RGS7: variants seen among roughly 807,000 people sequenced by gnomAD.
RGS7 encodes regulator of G protein signaling 7.
A neutral mutation model predicts 81.1 loss-of-function variants in RGS7; 27 were observed. That is an observed-to-expected ratio of 0.33 (90% CI 0.25 to 0.46). The LOEUF (loss-of-function observed/expected upper bound fraction) is 0.46. Among genes scored for constraint, RGS7 ranks in the 20% least tolerant of loss-of-function variants. The pLI, the probability that RGS7 is intolerant of heterozygous loss-of-function variation, is 1.00. For missense variants in RGS7, 396 were observed against 607.4 expected (o/e 0.65, Z 3.66); for synonymous variants, 208 against 207.7 (o/e 1.00, Z -0.01).
At chr1:241,041,396 G>A (rs1455015574) in intron 3 of RGS7, among the ~76,000 whole-genome samples, 1 of 151,964 alleles carries the variant, frequency 6.6e-6, no homozygotes, top group Admixed American at 6.6e-5. Context: ...GCTGAGGCTT[G>A]AAAAAAATAC....
chr1:241,354,754 T>G (rs1459003102), intron 2 of RGS7, among the ~76,000 whole-genome samples: 1 of 152,208 alleles, frequency 6.6e-6, no homozygotes, highest in African/African-American at 2.4e-5. Flanking sequence ...TTAACAATTT[T>G]GGGGTGTTTC....
intron 9 of RGS7, among the ~76,000 whole-genome samples, chr1:240,863,992 C>T (rs1329994684): frequency 6.6e-6 from 1 of 152,136 alleles, no homozygotes; most frequent in Non-Finnish European, 1.5e-5. Context: ...ACACCACCCC[C>T]TAGTTCCAGG....
At chr1:241,193,001 C>A (rs756067779) in intron 2 of RGS7, among the ~76,000 whole-genome samples, 1 of 152,136 alleles carries the variant, frequency 6.6e-6, no homozygotes, top group Non-Finnish European at 1.5e-5. Context: ...ATCCATAAAA[C>A]CTGTATCCAA....
intron 18 of RGS7, among the ~76,000 whole-genome samples, chr1:240,785,027 C>G (rs1349425947): frequency 6.6e-6 from 1 of 152,160 alleles, no homozygotes; most frequent in African/African-American, 2.4e-5. Context: ...TTATTTTACT[C>G]TCATGTTGAA....
At chr1:240,932,548 G>A (rs1197584746) in intron 5 of RGS7, among the ~76,000 whole-genome samples, 5 of 118,050 alleles carry the variant, frequency 4.2e-5, no homozygotes, top group South Asian at 5.4e-4. Context: ...TCACTCTGTT[G>A]CCCAGGCTGG....
chr1:240,830,208 C>T (rs924939558), intron 9 of RGS7, among the ~76,000 whole-genome samples: 3 of 152,154 alleles, frequency 2.0e-5, no homozygotes, highest in Admixed American at 6.5e-5. Context: ...TCAAGCCATC[C>T]GGAGTTTCTT....
chr1:240,977,621 C>T (rs1167412793), intron 4 of RGS7, among the ~76,000 whole-genome samples: 1 of 152,178 alleles, frequency 6.6e-6, no homozygotes, highest in Non-Finnish European at 1.5e-5. Flanking sequence ...ACCAATATTC[C>T]ATATATAAGA....
intron 2 of RGS7, among the ~76,000 whole-genome samples, chr1:241,100,481 TCA>T (rs1416634067): frequency 1.3e-5 from 2 of 151,966 alleles, no homozygotes; most frequent in Non-Finnish European, 2.9e-5. Context: ...TATGTTGTAA[TCA>T]CACTATGAAC....
intron 9 of RGS7, among the ~76,000 whole-genome samples, chr1:240,828,919 G>A (rs7534415): frequency 0.038 from 5,796 of 152,222 alleles, 158 homozygotes; most frequent in African/African-American, 0.075. Flanking sequence ...CTGTGAATAC[G>A]GAAAAGTCTT....
intron 9 of RGS7, among the ~76,000 whole-genome samples, chr1:240,846,628 TC>T (rs1362283987): frequency 1.1e-4 from 17 of 152,174 alleles, no homozygotes; most frequent in African/African-American, 3.6e-4. Flanking sequence ...TCCATAACAG[TC>T]CCTATTGACC....
At chr1:241,329,579 AG>A (rs1236984365) in intron 2 of RGS7, among the ~76,000 whole-genome samples, 1 of 152,198 alleles carries the variant, frequency 6.6e-6, no homozygotes, top group Non-Finnish European at 1.5e-5. Context: ...TCCTCTACAA[AG>A]GGCTCGGTGA....
chr1:241,231,332 AATTT>A (rs2075651750), intron 2 of RGS7, among the ~76,000 whole-genome samples: 1 of 152,184 alleles, frequency 6.6e-6, no homozygotes, highest in African/African-American at 2.4e-5. Context: ...TCTAATAAAA[AATTT>A]ATTTATTATA....
chr1:241,073,103 G>C (rs1327645101), intron 3 of RGS7, among the ~76,000 whole-genome samples: 1 of 152,158 alleles, frequency 6.6e-6, no homozygotes, highest in African/African-American at 2.4e-5. Context: ...TCCATGTTGA[G>C]AGCTGGGTTG....
intron 18 of RGS7, among the ~76,000 whole-genome samples, chr1:240,786,481 T>G (rs1685090287): frequency 6.6e-6 from 1 of 152,162 alleles, no homozygotes; most frequent in Non-Finnish European, 1.5e-5. Flanking sequence ...AGAAAAAAAT[T>G]AAGTACAGAA....
intron 2 of RGS7, among the ~76,000 whole-genome samples, chr1:241,200,270 T>G (rs181261243): frequency 6.6e-6 from 1 of 152,154 alleles, no homozygotes; most frequent in East Asian, 1.9e-4. Flanking sequence ...CAAAAAGTGT[T>G]CCTTTTCTCT....
chr1:241,165,425 T>G lies in RGS7; in HGVS notation c.79-66663A>C, dbSNP rs528557718. Reference sequence around the variant, plus strand: ...GACTGGATTAAGAAAATGTGGCACATATACACATGGAATACTATGCAGCCA... The same window carrying G: ...GACTGGATTAAGAAAATGTGGCACAGATACACATGGAATACTATGCAGCCA... On this transcript the variant is annotated intron_variant, in intron 2 of 18. Transcript: ENST00000440928. Among the ~76,000 whole-genome samples, 293 of 152,118 alleles carry G rather than the reference T, an allele frequency of 1.9e-3. 1 individual carries two copies. Among genetic ancestry groups the G allele is most frequent in the Non-Finnish European group, 1.9e-3 (126 of 68,028 alleles).
At position 240,931,956 on chromosome 1, in the gene RGS7, A is replaced by G. The variant is rs536125118; in HGVS notation, c.334-1188T>C. Among the ~76,000 whole-genome samples, 5 of 152,350 alleles carry G rather than the reference A, an allele frequency of 3.3e-5. No individual in the cohort carries two copies. The South Asian group carries it at 8.3e-4, about 25-fold the overall frequency. On this transcript the variant is annotated intron_variant, in intron 5 of 18. Coordinates refer to ENST00000440928, the MANE Select transcript of RGS7 (RefSeq NM_001364886.1). ...TAGTCCCTGGAATGATGAGGCCTGCAGGACTCACTGTAACAGTGATGGCAA... is the reference window on the plus strand; with the variant it reads ...TAGTCCCTGGAATGATGAGGCCTGCGGGACTCACTGTAACAGTGATGGCAA...
At chr1:241,020,761 A>G (rs2059496207) in intron 3 of RGS7, among the ~76,000 whole-genome samples, 1 of 152,236 alleles carries the variant, frequency 6.6e-6, no homozygotes. Flanking sequence ...CTAGAAGAAT[A>G]GAGAGTAGTG....
chr1:240,803,097 A>T (rs1688275078), intron 15 of RGS7, 104 bp from the exon 16 acceptor site: 2 of 782,906 alleles, frequency 2.6e-6, no homozygotes, highest in Admixed American at 1.8e-5. Flanking sequence ...AGCAGCGAAA[A>T]ATAGTAATAA....
Sources: allele counts gnomAD v4.1 joint callset (sites outside exome capture counted in the v4.1 genomes callset), GRCh38; gene constraint gnomAD v4.1.1; transcripts MANE v1.5; gene names NCBI Gene and HGNC (gene_info 2026-07-23, HGNC 2026-07-21).